STK38: variants seen among roughly 807,000 people sequenced by gnomAD.
STK38 encodes serine/threonine kinase 38, also known as serine/threonine-protein kinase 38.
STK38 carries 26 observed loss-of-function variants against 59.0 expected under a neutral mutation model. That is an observed-to-expected ratio of 0.44 (90% CI 0.32 to 0.61). The LOEUF is 0.61. Ranked by LOEUF, STK38 falls within the 20% of genes least tolerant of loss-of-function variation. The pLI is 0.04. For synonymous variants in STK38, 175 were observed against 176.6 expected, an observed-to-expected ratio of 0.99 and a Z score of 0.07; for missense variants, 433 against 566.0, an observed-to-expected ratio of 0.76 and a Z score of 2.38.
At chr6:36,508,809 A>G (rs536875728) in intron 7 of STK38, among the ~76,000 whole-genome samples, 3 of 152,350 alleles carry the variant, frequency 2.0e-5, no homozygotes, top group African/African-American at 4.8e-5. Flanking sequence ...GCCACTGCAC[A>G]CAGCCAGGCA....
In STK38 at chr6:36,495,717, G is replaced by A; in HGVS notation, c.*67C>T. The A allele has an allele frequency of 6.2e-7, 1 of 1,601,222 alleles. No individual in the cohort carries two copies. The highest frequency in any genetic ancestry group is 1.1e-5 in the South Asian group (1 of 90,208). ...TCAACTTCTTGGAAGCTCTTCAAGA[G>A]TGTGAGAGGAAAAGCATGATGTTAT... is the stretch of plus-strand genomic sequence containing the variant. On this transcript the variant is annotated 3_prime_UTR_variant, in exon 14 of 14. Coordinates refer to ENST00000229812, the MANE Select transcript of STK38 (RefSeq NM_007271.4).
intron 7 of STK38, among the ~76,000 whole-genome samples, chr6:36,508,897 C>T (rs1408118437): frequency 6.6e-6 from 1 of 152,232 alleles, no homozygotes; most frequent in Non-Finnish European, 1.5e-5. Context: ...CTGCAAGCGG[C>T]TTCTGCTGTG....
At chr6:36,506,476 G>T in intron 9 of STK38, 107 bp downstream of exon 9, 1 of 1,162,246 alleles carries the variant, frequency 8.6e-7, no homozygotes, top group South Asian at 1.4e-5. Context: ...AATCTTAAAA[G>T]CAAGGGATAT....
intron 1 of STK38, among the ~76,000 whole-genome samples, chr6:36,544,296 T>A (rs1778009114): frequency 6.6e-6 from 1 of 151,356 alleles, no homozygotes; most frequent in African/African-American, 2.4e-5. Flanking sequence ...CAAAGCAAAC[T>A]CAAATGTTTT....
At chr6:36,504,908 AAAAAAAAAAAAAAAG>A (rs1386659836) in intron 9 of STK38, among the ~76,000 whole-genome samples, 1 of 129,160 alleles carries the variant, frequency 7.7e-6, no homozygotes, top group Non-Finnish European at 1.7e-5. Context: ...CAAAAAAAAA[AAAAAAAAAAAAAAAG>A]AAAGAAAGAA....
intron 2 of STK38, among the ~76,000 whole-genome samples, chr6:36,530,379 T>C (rs1777636640): frequency 6.6e-6 from 1 of 151,594 alleles, no homozygotes; most frequent in East Asian, 2.0e-4. Context: ...TACTTTTTTT[T>C]TTGAGACAAG....
intron 8 of STK38, among the ~76,000 whole-genome samples, chr6:36,507,092 T>C (rs1776981075): frequency 6.6e-6 from 1 of 152,230 alleles, no homozygotes; most frequent in African/African-American, 2.4e-5. Flanking sequence ...GAAATTTTAC[T>C]ACATAGTTGT....
chr6:36,496,814 A>G lies in STK38; in HGVS notation c.1173-9T>C. ...TTGCAGCAGGTCTCTCTCTGCCAAGAATACACATGCCAAAAATTACTAAGT... is the reference window on the plus strand; with the variant it reads ...TTGCAGCAGGTCTCTCTCTGCCAAGGATACACATGCCAAAAATTACTAAGT... On this transcript the variant is annotated splice_polypyrimidine_tract_variant and intron_variant, in intron 12 of 13. Coordinates refer to ENST00000229812, the MANE Select transcript of STK38 (RefSeq NM_007271.4). The G allele has an allele frequency of 6.3e-7, 1 of 1,599,740 alleles. No homozygotes were observed. The highest frequency in any genetic ancestry group is 1.3e-5 in the African/African-American group (1 of 74,662).
At chr6:36,527,838 G>A (rs1022821809) in intron 2 of STK38, among the ~76,000 whole-genome samples, 1 of 151,782 alleles carries the variant, frequency 6.6e-6, no homozygotes, top group African/African-American at 2.4e-5. Context: ...GGTGGCTCAC[G>A]CCTGTAATCC....
chr6:36,504,898 C>CAAAAAA (rs562032331), intron 9 of STK38, among the ~76,000 whole-genome samples: 26 of 64,034 alleles, frequency 4.1e-4, no homozygotes, highest in Admixed American at 7.2e-4. Flanking sequence ...TCCTGGCCTC[C>CAAAAAA]AAAAAAAAAA....
At chr6:36,544,963 T>G (rs1252154070) in intron 1 of STK38, among the ~76,000 whole-genome samples, 2 of 152,018 alleles carry the variant, frequency 1.3e-5, no homozygotes, top group African/African-American at 4.8e-5. Flanking sequence ...GGCAGTTGAG[T>G]AAGTTAATGA....
At chr6:36,512,680 G>A (rs1337391534) in intron 7 of STK38, among the ~76,000 whole-genome samples, 1 of 151,064 alleles carries the variant, frequency 6.6e-6, no homozygotes, top group East Asian at 1.9e-4. Flanking sequence ...TTTTTTTTGA[G>A]ATGGAGTCTC....
intron 6 of STK38, among the ~76,000 whole-genome samples, chr6:36,517,430 C>T (rs1777282735): frequency 6.6e-6 from 1 of 151,880 alleles, no homozygotes; most frequent in South Asian, 2.1e-4. Context: ...GGAGAGCAGG[C>T]AGAGCACCCT....
At chr6:36,513,865 AAAAAAAAAGGCCAGGC>A (rs1228659325) in intron 7 of STK38, among the ~76,000 whole-genome samples, 25 of 142,332 alleles carry the variant, frequency 1.8e-4, no homozygotes, top group Non-Finnish European at 3.6e-4. Flanking sequence ...AAAAAAAAAA[AAAAAAAAAGGCCAGGC>A]TTGGTGGCTC....
chr6:36,534,327 A>G (rs767846752), intron 2 of STK38, among the ~76,000 whole-genome samples: 1 of 152,156 alleles, frequency 6.6e-6, no homozygotes, highest in African/African-American at 2.4e-5. Flanking sequence ...ACACCTACTC[A>G]TGATAAAAAT....
chr6:36,532,303 T>C (rs1170498497), intron 2 of STK38, among the ~76,000 whole-genome samples: 1 of 128,246 alleles, frequency 7.8e-6, no homozygotes, highest in East Asian at 2.7e-4. Flanking sequence ...TGAGACCTTG[T>C]CTGCATAAAA....
intron 9 of STK38, among the ~76,000 whole-genome samples, chr6:36,500,533 G>A (rs1349185018): frequency 6.6e-6 from 1 of 151,868 alleles, no homozygotes; most frequent in Non-Finnish European, 1.5e-5. Context: ...AGGCTGAGGT[G>A]GGCGGATCAC....
intron 7 of STK38, among the ~76,000 whole-genome samples, chr6:36,513,891 C>T (rs1237411331): frequency 6.9e-6 from 1 of 144,678 alleles, no homozygotes; most frequent in Admixed American, 6.9e-5. Flanking sequence ...CTTGGTGGCT[C>T]ACGCCTGTAA....
intron 6 of STK38, among the ~76,000 whole-genome samples, chr6:36,517,411 C>T (rs1362832477): frequency 2.0e-5 from 3 of 151,886 alleles, no homozygotes; most frequent in African/African-American, 7.3e-5. Context: ...TATATGATTC[C>T]CATTGACAGG....
Sources: allele counts gnomAD v4.1 joint callset (sites outside exome capture counted in the v4.1 genomes callset), GRCh38; gene constraint gnomAD v4.1.1; transcripts MANE v1.5; gene names NCBI Gene and HGNC (gene_info 2026-07-23, HGNC 2026-07-21).